Variants in PAIP2B observed in about 807,000 individuals in gnomAD.
The protein encoded by PAIP2B is poly(A) binding protein interacting protein 2B, also known as polyadenylate-binding protein-interacting protein 2B.
PAIP2B carries 13 observed loss-of-function variants against 17.0 expected under a neutral mutation model. The observed-to-expected ratio is 0.76, with a 90% confidence interval of 0.50 to 1.22. The LOEUF is 1.22. Ranked by LOEUF, PAIP2B falls within the 50% of genes most tolerant of loss-of-function variation. The pLI is 0.00. For synonymous variants in PAIP2B, 43 were observed against 48.7 expected, an observed-to-expected ratio of 0.88 and a Z score of 0.48; for missense variants, 117 against 144.5, an observed-to-expected ratio of 0.81 and a Z score of 0.98.
chr2:71,209,183 C>T (rs1192268201), intron 1 of PAIP2B, among the ~76,000 whole-genome samples: 1 of 152,090 alleles, frequency 6.6e-6, no homozygotes, highest in Non-Finnish European at 1.5e-5. Flanking sequence ...TGGAGGTAGG[C>T]TGAATCGTAG....
chr2:71,211,205 G>C (rs561833917), intron 1 of PAIP2B, among the ~76,000 whole-genome samples: 7 of 151,876 alleles, frequency 4.6e-5, no homozygotes, highest in African/African-American at 1.7e-4. Flanking sequence ...GTTGCAGTGA[G>C]CCGAGATTGC....
chr2:71,226,056 C>T (rs1272939836), intron 1 of PAIP2B, among the ~76,000 whole-genome samples: 1 of 152,184 alleles, frequency 6.6e-6, no homozygotes, highest in Non-Finnish European at 1.5e-5. Context: ...AAATTTAAAT[C>T]CCTTGCTTCT....
chr2:71,225,557 C>T (rs909190276), intron 1 of PAIP2B, among the ~76,000 whole-genome samples: 2 of 152,126 alleles, frequency 1.3e-5, no homozygotes, highest in East Asian at 1.9e-4. Flanking sequence ...CTCCCCACCC[C>T]GATATACAAG....
At chr2:71,222,689 T>C (rs1675618070) in intron 1 of PAIP2B, among the ~76,000 whole-genome samples, 1 of 152,052 alleles carries the variant, frequency 6.6e-6, no homozygotes, top group Non-Finnish European at 1.5e-5. Flanking sequence ...GACTAACACA[T>C]CATATACCAC....
In PAIP2B at chr2:71,212,287, T is replaced by C. The variant is rs144976329; in HGVS notation, c.-11-9687A>G. On this transcript the variant is annotated intron_variant, in intron 1 of 3. Coordinates refer to ENST00000244221, the MANE Select transcript of PAIP2B (RefSeq NM_020459.1). Reference sequence around the variant, plus strand: ...ATCTTCACCTCCATCTCACATTTGATTGTATGTATATTTGAGAGAGCATCA... The same window carrying C: ...ATCTTCACCTCCATCTCACATTTGACTGTATGTATATTTGAGAGAGCATCA... Among the ~76,000 whole-genome samples the C allele has an allele frequency of 3.5e-4, 54 of 152,292 alleles. 1 individual carries two copies. Among genetic ancestry groups the C allele is most frequent in the African/African-American group, 1.3e-3 (52 of 41,568 alleles).
chr2:71,189,958 C>T lies in PAIP2B; in HGVS notation c.202G>A (p.Glu68Lys). The T allele has an allele frequency of 6.2e-7, 1 of 1,611,500 alleles. No homozygotes were observed. The highest frequency in any genetic ancestry group is 2.2e-5 in the East Asian group (1 of 44,826). Residue 68 changes from glutamate to lysine, a missense_variant, in exon 3 of 4, where the codon GAA (glutamate) becomes AAA (lysine). Coordinates refer to ENST00000244221, the MANE Select transcript of PAIP2B (RefSeq NM_020459.1). ...DRCFQEMLDE[E>K]DQDWFIPSRD... The stretch of plus-strand genomic sequence containing the variant: ...GAGGGAATAAACCAGTCTTGGTCTT[C>T]TTCATCCAGCATCTCTTGGAAGCAG...
rs368683524 is a variant in PAIP2B at position 71,207,536 on chromosome 2, C to T, written c.-11-4936G>A. Among the ~76,000 whole-genome samples the T allele has an allele frequency of 7.2e-4, 109 of 151,842 alleles. No individual in the cohort carries two copies. The Middle Eastern group carries it at 0.014, about 19-fold the overall frequency. On this transcript the variant is annotated intron_variant, in intron 1 of 3. Coordinates refer to ENST00000244221, the MANE Select transcript of PAIP2B (RefSeq NM_020459.1). ...CCTTATAATGCACCGTAGCATGATT[C>T]GACATATTTTGAGATCACTCAGGCT...
chr2:71,204,014 G>C (rs150625574), intron 1 of PAIP2B, among the ~76,000 whole-genome samples: 2 of 151,744 alleles, frequency 1.3e-5, no homozygotes, highest in Admixed American at 1.3e-4. Flanking sequence ...ACTTTCCTTC[G>C]CTATTTATTC....
chr2:71,207,824 A>G (rs964354254), intron 1 of PAIP2B, among the ~76,000 whole-genome samples: 6 of 152,030 alleles, frequency 3.9e-5, no homozygotes, highest in Admixed American at 3.9e-4. Context: ...GAGCTAAGGA[A>G]CTCTGTGGGA....
chr2:71,203,047 CAT>C (rs1675026143), intron 1 of PAIP2B, among the ~76,000 whole-genome samples: 1 of 152,090 alleles, frequency 6.6e-6, no homozygotes, highest in African/African-American at 2.4e-5. Flanking sequence ...TTAAAAAATA[CAT>C]GTTTATCATA....
intron 1 of PAIP2B, among the ~76,000 whole-genome samples, chr2:71,219,637 C>T (rs1675526832): frequency 6.6e-6 from 1 of 152,132 alleles, no homozygotes. Context: ...AGATGGGCAG[C>T]CCCATAGAAC....
At chr2:71,191,068 CA>C (rs1231847342) in intron 2 of PAIP2B, among the ~76,000 whole-genome samples, 1 of 152,160 alleles carries the variant, frequency 6.6e-6, no homozygotes, top group East Asian at 1.9e-4. Flanking sequence ...GAGTGTGGTT[CA>C]CTCTGCAGAT....
chr2:71,212,352 T>C (rs1675322781), intron 1 of PAIP2B, among the ~76,000 whole-genome samples: 1 of 152,316 alleles, frequency 6.6e-6, no homozygotes, highest in African/African-American at 2.4e-5. Flanking sequence ...ACCTTGGAAG[T>C]TTCTTGAGGG....
At position 71,184,375 on chromosome 2, in the gene PAIP2B, C is replaced by A. The variant is rs1416632000; in HGVS notation, c.*4104G>T. 2 of 152,126 alleles carry A rather than the reference C, an allele frequency of 1.3e-5. No individual in the cohort carries two copies. The highest frequency in any genetic ancestry group is 4.8e-5 in the African/African-American group (2 of 41,416). 9.4% of individuals were successfully genotyped at this position (152,126 alleles called of 1,614,324 possible). A position where few individuals can be genotyped will look rare whatever the true frequency, so the allele number is the denominator to read the frequency against. On this transcript the variant is annotated 3_prime_UTR_variant, in exon 4 of 4. Coordinates refer to ENST00000244221, the MANE Select transcript of PAIP2B (RefSeq NM_020459.1). Reference sequence around the variant, plus strand: ...ATTAGTGTATCCAGCTATTCTATTGCCACGATGCCTCTAAAAACCAGACTG... The same window carrying A: ...ATTAGTGTATCCAGCTATTCTATTGACACGATGCCTCTAAAAACCAGACTG...
intron 1 of PAIP2B, among the ~76,000 whole-genome samples, chr2:71,226,074 C>A (rs780407929): frequency 1.3e-5 from 2 of 152,130 alleles, no homozygotes; most frequent in Non-Finnish European, 2.9e-5. Context: ...TCTAGTTAGC[C>A]CTTTTCAACT....
At chr2:71,193,771 G>A (rs1170501823) in intron 2 of PAIP2B, among the ~76,000 whole-genome samples, 1 of 151,978 alleles carries the variant, frequency 6.6e-6, no homozygotes, top group African/African-American at 2.4e-5. Context: ...GGAGAATGGC[G>A]AGAATCCGGG....
At chr2:71,188,685 T>C in intron 3 of PAIP2B, 150 bp from the exon 4 acceptor site, 2 of 681,974 alleles carry the variant, frequency 2.9e-6, no homozygotes, top group Non-Finnish European at 5.1e-6. Flanking sequence ...TTATCTCAAC[T>C]GCACCTGACA....
chr2:71,199,599 C>A (rs1368651885), intron 2 of PAIP2B, among the ~76,000 whole-genome samples: 1 of 150,114 alleles, frequency 6.7e-6, no homozygotes, highest in Admixed American at 6.6e-5. Flanking sequence ...CGGAGTCTTA[C>A]TCTGTCGCCC....
chr2:71,207,305 G>T (rs1216315731), intron 1 of PAIP2B, among the ~76,000 whole-genome samples: 2 of 152,124 alleles, frequency 1.3e-5, no homozygotes, highest in Non-Finnish European at 2.9e-5. Flanking sequence ...GAGAGAAAAT[G>T]ACGTACAATG....
Sources: gnomAD v4.1 joint callset for allele counts (sites outside exome capture counted in the v4.1 genomes callset) on GRCh38, gnomAD v4.1.1 for gene constraint, MANE v1.5 for transcripts, NCBI Gene and HGNC (gene_info 2026-07-23, HGNC 2026-07-21) for gene names.